Variants in SIN3B observed in about 807,000 individuals in gnomAD.
SIN3B encodes SIN3 transcription regulator family member B.
Under a neutral mutation model 120.2 loss-of-function variants are expected in SIN3B, and 19 were observed. The ratio of observed to expected loss-of-function variants is 0.16; its 90% confidence interval spans 0.11 to 0.23. The LOEUF (loss-of-function observed/expected upper bound fraction) is 0.23, where lower values mean the gene tolerates loss of function less well. SIN3B is among the 10% of genes least tolerant of loss of function. SIN3B has a pLI of 1.00. For synonymous variants in SIN3B, 654 were observed against 653.2 expected (o/e 1.00, Z -0.02); for missense variants, 1,073 against 1,573.0 (o/e 0.68, Z 5.38).
At chr19:16,837,957 C>G (rs1489935288) in intron 3 of SIN3B, among the ~76,000 whole-genome samples, 1 of 151,972 alleles carries the variant, frequency 6.6e-6, no homozygotes, top group Non-Finnish European at 1.5e-5. Flanking sequence ...TGTGGATGCT[C>G]AGATGGACGT....
intron 4 of SIN3B, among the ~76,000 whole-genome samples, chr19:16,843,843 G>A (rs536211944): frequency 1.7e-5 from 1 of 60,294 alleles, no homozygotes; most frequent in East Asian, 4.3e-4. Context: ...CATCGGCACA[G>A]TTTCTTTTTT....
Position 16,871,330 on chromosome 19 carries a change from G to A in SIN3B, c.2524G>A (p.Glu842Lys). ...DPTQYEDTLR[E>K]MFTIHAYVGF... ...CACGCAGTACGAGGACACCCTACGC[G>A]AGATGTTCACCATCCATGCCTACGT... Residue 842 changes from glutamate (E) to lysine (K), a missense_variant, in exon 14 of 19, where the codon GAG becomes AAG. Glu to Lys is a moderately conservative substitution (Grantham distance 56, BLOSUM62 1). Around this residue, in one of 7 missense-constraint regions of SIN3B, gnomAD observed 24 missense variants for 65.7 expected, o/e 0.37. Transcript: ENST00000248054. 1 of 1,613,992 alleles carries A rather than the reference G, an allele frequency of 6.2e-7. No individual in the cohort carries two copies. The highest frequency in any genetic ancestry group is 8.5e-7 in the Non-Finnish European group (1 of 1,179,936).
chr19:16,860,746 C>T (rs1392891483), intron 8 of SIN3B, among the ~76,000 whole-genome samples: 1 of 151,890 alleles, frequency 6.6e-6, no homozygotes, highest in Non-Finnish European at 1.5e-5. Context: ...GGACTACAGG[C>T]GCCCGCCACC....
chr19:16,857,955 C>A (rs1321891802), intron 8 of SIN3B, among the ~76,000 whole-genome samples: 1 of 152,178 alleles, frequency 6.6e-6, no homozygotes, highest in African/African-American at 2.4e-5. Context: ...CAGCTCACTG[C>A]AACCTCTGTC....
intron 4 of SIN3B, chr19:16,846,616 C>G (rs1406362348): frequency 1.1e-5 from 2 of 189,674 alleles, no homozygotes; most frequent in Admixed American, 6.0e-5. Context: ...CCTTCATGGC[C>G]CAGCGCTCCC....
intron 8 of SIN3B, among the ~76,000 whole-genome samples, chr19:16,857,525 G>GTGTT (rs1971632325): frequency 7.9e-6 from 1 of 126,952 alleles, no homozygotes; most frequent in Non-Finnish European, 1.7e-5. Context: ...ATATGTGTGT[G>GTGTT]TGTGTGTGTG....
At position 16,877,482 on chromosome 19, in the gene SIN3B, G is replaced by T. The variant is rs898046747; in HGVS notation, c.2860-63G>T. On this transcript the variant is annotated intron_variant, in intron 16 of 18. Coordinates refer to ENST00000248054, the MANE Select transcript of SIN3B (RefSeq NM_001297595.2). Reference sequence around the variant, plus strand: ...TGTGAGCTCCTGAACTCAGAGTCCAGAGTAAGAGTGGCCATAGCCCTGCTG... The same window carrying T: ...TGTGAGCTCCTGAACTCAGAGTCCATAGTAAGAGTGGCCATAGCCCTGCTG... The T allele has an allele frequency of 1.3e-4, 165 of 1,251,024 alleles. No individual in the cohort carries two copies. The African/African-American group carries it at 2.2e-3, about 16-fold the overall frequency. 77.5% of individuals were successfully genotyped at this position (1,251,024 alleles called of 1,614,324 possible).
In SIN3B at chr19:16,862,852, GGGCTCAC is replaced by G. The variant is rs751690424; in HGVS notation, c.1266+294_1266+300del. 23 of 1,528,920 alleles carry G rather than the reference GGGCTCAC, an allele frequency of 1.5e-5. No homozygotes were observed. Among genetic ancestry groups the G allele is most frequent in the Non-Finnish European group, 1.9e-5 (21 of 1,102,600 alleles). The allele number at this position is 1,528,920 out of a possible 1,614,324, so 94.7% of individuals were successfully genotyped here. A position where few individuals can be genotyped will look rare whatever the true frequency, so the allele number is the denominator to read the frequency against. On this transcript the variant is annotated intron_variant, in intron 9 of 18. Transcript: ENST00000248054. This position sits in a 1 kb window ranked among gnomAD's most constrained non-coding sequence, Gnocchi z 4.7. ...TGCTGCCATGATTCTGCTCTGTCCC[GGGCTCAC>G]TGACCTCAGTGTGTTTCTGTTTAGC...
chr19:16,875,805 TGTTTGGTCTGGTCTGGTCTGTTTG>T (rs977457353), intron 14 of SIN3B: 4 of 539,660 alleles, frequency 7.4e-6, no homozygotes, highest in East Asian at 3.2e-5. Flanking sequence ...TGGTCTGGTC[TGTTTGGTCTGGTCTGGTCTGTTTG>T]GTTTGGTCTG....
At chr19:16,849,948 C>T (rs1402657459) in intron 5 of SIN3B, among the ~76,000 whole-genome samples, 3 of 148,100 alleles carry the variant, frequency 2.0e-5, no homozygotes, top group Non-Finnish European at 4.5e-5. Flanking sequence ...AGAGTGAGAC[C>T]TCCGTCTCAA....
intron 3 of SIN3B, among the ~76,000 whole-genome samples, chr19:16,839,360 C>G (rs1426878955): frequency 1.3e-5 from 2 of 152,154 alleles, no homozygotes; most frequent in African/African-American, 4.8e-5. Context: ...AGCAATAATT[C>G]CATGGTCAAC....
chr19:16,878,294 G>A lies in SIN3B; in HGVS notation c.3066G>A (p.Val1022=). 1 of 1,609,234 alleles carries A rather than the reference G, an allele frequency of 6.2e-7. No individual in the cohort carries two copies. The highest frequency in any genetic ancestry group is 1.1e-5 in the South Asian group (1 of 90,312). ...TGGGCGTGGAGAGCGCCTGCGACGT[G>A]GACTGCCGCTTCAAGCTCAGCACTC... The part of the protein sequence containing the change: ...RLVGVESACD[V]DCRFKLSTHK... The change falls in exon 18 of 19, where the codon GTG becomes GTA. Residue 1022 remains valine (V), a synonymous_variant. Transcript: ENST00000248054.
At position 16,853,084 on chromosome 19, in the gene SIN3B, C is replaced by A; in HGVS notation, c.865C>A (p.Arg289Ser). ...CTCCCCACAGAAAAAAATGAAACTTCGTGGTACCAAAGACCTGTCCATCGC... is the reference window on the plus strand; with the variant it reads ...CTCCCCACAGAAAAAAATGAAACTTAGTGGTACCAAAGACCTGTCCATCGC... ...SAPAKKKMKL[R>S]GTKDLSIAAV... Residue 289 changes from arginine to serine, a missense_variant, in exon 7 of 19, where the codon CGT (arginine) becomes AGT (serine). By Grantham distance (110) the Arg-to-Ser change is moderately radical. Transcript: ENST00000248054. The A allele has an allele frequency of 6.2e-7, 1 of 1,614,128 alleles. No homozygotes were observed. Among genetic ancestry groups the A allele is most frequent in the Non-Finnish European group, 8.5e-7 (1 of 1,179,968 alleles).
intron 8 of SIN3B, among the ~76,000 whole-genome samples, chr19:16,860,870 A>G (rs1971679488): frequency 6.6e-6 from 1 of 151,924 alleles, no homozygotes; most frequent in Non-Finnish European, 1.5e-5. Flanking sequence ...TGGGATTACA[A>G]GCATGAGCCA....
rs145391747 is a variant in SIN3B at position 16,869,837 on chromosome 19, G to A, written c.2184G>A (p.Pro728=). 3.7e-4 allele frequency: 604 copies of A among 1,613,866 alleles called. 1 individual carries two copies. In the African/African-American group the frequency reaches 5.9e-3, roughly 16 times the overall value. Residue 728 remains proline, a synonymous_variant, in exon 13 of 19, where the codon CCG becomes CCA. Transcript: ENST00000248054. Reference sequence around the variant, plus strand: ...CGGCCACTGAGCAGCCACCCCTGCCGCCCCCAGCCCCGCACAAGCCCCTGG... The same window carrying A: ...CGGCCACTGAGCAGCCACCCCTGCCACCCCCAGCCCCGCACAAGCCCCTGG... ...DAPATEQPPL[P]PPAPHKPLDD...
At chr19:16,858,985 A>G (rs566712469) in intron 8 of SIN3B, among the ~76,000 whole-genome samples, 3 of 152,132 alleles carry the variant, frequency 2.0e-5, no homozygotes, top group South Asian at 4.1e-4. Flanking sequence ...AGCCTGGGCA[A>G]CATAGTGAGA....
intron 3 of SIN3B, among the ~76,000 whole-genome samples, chr19:16,836,412 G>A (rs886902327): frequency 6.6e-6 from 1 of 152,156 alleles, no homozygotes. Flanking sequence ...ATCATTTACT[G>A]TCTGGTAATT....
At chr19:16,861,735 C>T (rs1971690862) in intron 8 of SIN3B, among the ~76,000 whole-genome samples, 1 of 150,688 alleles carries the variant, frequency 6.6e-6, no homozygotes, top group Non-Finnish European at 1.5e-5. Context: ...TGCACCCCAG[C>T]CTGGGCGACA....
In SIN3B at chr19:16,854,267, C is replaced by A; in HGVS notation, c.1058+6C>A. The A allele has an allele frequency of 6.3e-7, 1 of 1,593,906 alleles. No individual in the cohort carries two copies. The highest frequency in any genetic ancestry group is 8.6e-7 in the Non-Finnish European group (1 of 1,165,644). On this transcript the variant is annotated splice_donor_region_variant and intron_variant, in intron 8 of 18. Transcript: ENST00000248054. ...CTCGTCAGCCCATTTCTGGGGTGAG[C>A]AGCTGACTTCCCAGGGCTCCCTAGG...
Sources: allele counts gnomAD v4.1 joint callset (sites outside exome capture counted in the v4.1 genomes callset), GRCh38; gene constraint gnomAD v4.1.1; regional missense constraint gnomAD v4.1.1; non-coding constraint Gnocchi (gnomAD v3.1); transcripts MANE v1.5; gene names NCBI Gene and HGNC (gene_info 2026-07-23, HGNC 2026-07-21).